The following BRD4 variants were observed in gnomAD, a reference collection of about 807,000 sequenced individuals.
BRD4 encodes bromodomain-containing protein 4.
In BRD4, 16 loss-of-function variants were observed where a neutral mutation model predicts 142.1. The ratio of observed to expected loss-of-function variants is 0.11; its 90% CI spans 0.08 to 0.17. The LOEUF (loss-of-function observed/expected upper bound fraction) is 0.17. Ranked by LOEUF, BRD4 falls within the 10% of genes least tolerant of loss-of-function variation. The pLI, the probability that BRD4 is intolerant of heterozygous loss-of-function variation, is 1.00. For synonymous variants in BRD4, 833 were observed against 707.5 expected, an observed-to-expected ratio of 1.18 and a Z score of -2.82; for missense variants, 1,424 against 1,810.9, an observed-to-expected ratio of 0.79 and a Z score of 3.88.
At chr19:15,288,867 A>G (rs2047760160) in intron 1 of BRD4, among the ~76,000 whole-genome samples, 1 of 152,152 alleles carries the variant, frequency 6.6e-6, no homozygotes, top group African/African-American at 2.4e-5. Flanking sequence ...AGGGGAGGGA[A>G]AGTTCAGAGG....
At chr19:15,300,612 G>A (rs979388672) in intron 1 of BRD4, among the ~76,000 whole-genome samples, 2 of 151,324 alleles carry the variant, frequency 1.3e-5, no homozygotes, top group Non-Finnish European at 2.9e-5. Flanking sequence ...GCAATCACCC[G>A]TAAGACAAAA....
intron 1 of BRD4, among the ~76,000 whole-genome samples, chr19:15,314,420 A>T (rs1036705366): frequency 1.3e-5 from 2 of 152,160 alleles, no homozygotes; most frequent in East Asian, 3.9e-4. Context: ...CCCAGATTAA[A>T]GCAAATTCAC....
chr19:15,258,638 C>G (rs1041180424), intron 7 of BRD4, among the ~76,000 whole-genome samples: 1 of 152,046 alleles, frequency 6.6e-6, no homozygotes, highest in African/African-American at 2.4e-5. Context: ...TAGGGCCTTG[C>G]TCTGTTGCCC....
intron 1 of BRD4, among the ~76,000 whole-genome samples, chr19:15,326,839 G>C (rs1019217036): frequency 5.3e-5 from 8 of 152,156 alleles, no homozygotes; most frequent in Admixed American, 2.0e-4. Context: ...TAGGACATGT[G>C]CACGTGGTTT....
At position 15,239,449 on chromosome 19, in the gene BRD4, C is replaced by G. The variant is rs1335708162; in HGVS notation, c.3519G>C (p.Gly1173=). The change falls in exon 17 of 20, where the codon GGG becomes GGC. Residue 1173 remains glycine (G), a synonymous_variant. Coordinates refer to ENST00000679869, the MANE Select transcript of BRD4 (RefSeq NM_001379291.1). The surrounding 1 kb of genome is among the most constrained non-coding windows in gnomAD (Gnocchi z 7.4). ...GTTTCTGTTTGTCCTTGTCAGGGGC[C>G]CCTGGTGGCGGTGCGTTCTGCTCTG... The part of the protein sequence containing the change: ...RPPEQNAPPP[G]APDKDKQKQE... The G allele has an allele frequency of 6.2e-7, 1 of 1,614,138 alleles. No homozygotes were observed. The highest frequency in any genetic ancestry group is 1.1e-5 in the South Asian group (1 of 91,082).
At chr19:15,277,619 CA>C (rs67961221) in intron 1 of BRD4, among the ~76,000 whole-genome samples, 19,721 of 95,914 alleles carry the variant, frequency 0.21, 1,391 homozygotes, top group African/African-American at 0.24. Context: ...CTATCTCTAC[CA>C]AAAAAAAAAA....
intron 1 of BRD4, among the ~76,000 whole-genome samples, chr19:15,324,883 T>A (rs1477390473): frequency 6.6e-6 from 1 of 152,152 alleles, no homozygotes; most frequent in Admixed American, 6.6e-5. Context: ...CATTATCAGA[T>A]AAAAACAAAC....
intron 1 of BRD4, among the ~76,000 whole-genome samples, chr19:15,325,383 A>G (rs1399580206): frequency 1.3e-5 from 2 of 152,180 alleles, no homozygotes; most frequent in East Asian, 3.9e-4. Flanking sequence ...CCCTCCCTAG[A>G]GCATTCCAGT....
chr19:15,244,903 G>A (rs970631694), intron 11 of BRD4, 141 bp from the exon 12 acceptor site: 17 of 1,442,684 alleles, frequency 1.2e-5, no homozygotes, highest in Non-Finnish European at 1.5e-5. Context: ...TTCAATGAGG[G>A]ATGAGTTGGT....
At chr19:15,316,590 T>C (rs2048020293) in intron 1 of BRD4, among the ~76,000 whole-genome samples, 1 of 150,604 alleles carries the variant, frequency 6.6e-6, no homozygotes, top group African/African-American at 2.4e-5. Flanking sequence ...AAACTCCATC[T>C]CAAAAAAAAA....
chr19:15,261,812 C>T (rs993104642), intron 7 of BRD4, among the ~76,000 whole-genome samples: 8 of 152,232 alleles, frequency 5.3e-5, no homozygotes, highest in East Asian at 1.9e-4. Flanking sequence ...TGGTGGCACA[C>T]GCTTGCTGTC....
At chr19:15,318,092 C>T (rs1568410911) in intron 1 of BRD4, among the ~76,000 whole-genome samples, 1 of 152,174 alleles carries the variant, frequency 6.6e-6, no homozygotes, top group Non-Finnish European at 1.5e-5. Flanking sequence ...AACTCTTTCA[C>T]GCACATGATC....
chr19:15,302,743 C>T (rs1336772153), intron 1 of BRD4, among the ~76,000 whole-genome samples: 4 of 149,976 alleles, frequency 2.7e-5, no homozygotes, highest in South Asian at 2.1e-4. Flanking sequence ...CAGTGGTTCA[C>T]GCCTGTAATC....
intron 1 of BRD4, among the ~76,000 whole-genome samples, chr19:15,308,039 G>A (rs796332783): frequency 1.4e-5 from 2 of 146,174 alleles, no homozygotes; most frequent in Non-Finnish European, 3.0e-5. Context: ...GCTTGAACCC[G>A]GGAAACAGGC....
Position 15,239,580 on chromosome 19 carries a change from A to G in BRD4, c.3446-58T>C. ...ACCTCACCCCAGTGGGGCATGGTCC[A>G]CCAGCCCCACAGCAAGCTTATGTCC... On this transcript the variant is annotated intron_variant, in intron 16 of 19. Transcript: ENST00000679869. The surrounding 1 kb of genome is among the most constrained non-coding windows in gnomAD (Gnocchi z 7.4). The G allele has an allele frequency of 6.4e-7, 1 of 1,566,542 alleles. No individual in the cohort carries two copies. The highest frequency in any genetic ancestry group is 8.6e-7 in the Non-Finnish European group (1 of 1,162,008).
chr19:15,238,308 A>G lies in BRD4; in HGVS notation c.*69T>C. The G allele has an allele frequency of 6.2e-7, 1 of 1,601,542 alleles. No homozygotes were observed. Among genetic ancestry groups the G allele is most frequent in the Non-Finnish European group, 8.5e-7 (1 of 1,172,804 alleles). ...CCTGGCCGCTGATCCCACCTCCACC[A>G]CCGCCCCTAACACTATGGAAAGTCA... On this transcript the variant is annotated 3_prime_UTR_variant, in exon 20 of 20. Coordinates refer to ENST00000679869, the MANE Select transcript of BRD4 (RefSeq NM_001379291.1). This position sits in a 1 kb window ranked among gnomAD's most constrained non-coding sequence, Gnocchi z 7.2.
At chr19:15,284,808 C>T (rs567844909) in intron 1 of BRD4, among the ~76,000 whole-genome samples, 24 of 152,206 alleles carry the variant, frequency 1.6e-4, no homozygotes, top group African/African-American at 2.2e-4. Context: ...CCACTTCAGA[C>T]GACTACAGCT....
chr19:15,267,304 G>C, intron 4 of BRD4, 112 bp downstream of exon 4: 1 of 1,328,920 alleles, frequency 7.5e-7, no homozygotes, highest in Non-Finnish European at 1.0e-6. Flanking sequence ...CACCAACACG[G>C]CATGCAGTAT....
intron 11 of BRD4, among the ~76,000 whole-genome samples, chr19:15,251,289 C>G (rs533818698): frequency 6.6e-6 from 1 of 152,196 alleles, no homozygotes; most frequent in African/African-American, 2.4e-5. Context: ...ATGTATCACA[C>G]CCCCCAGCCT....
Sources: allele counts gnomAD v4.1 joint callset (sites outside exome capture counted in the v4.1 genomes callset), GRCh38; gene constraint gnomAD v4.1.1; non-coding constraint Gnocchi (gnomAD v3.1); transcripts MANE v1.5; gene names NCBI Gene and HGNC (gene_info 2026-07-23, HGNC 2026-07-21).